The following RIPOR3 variants were observed in gnomAD, a reference collection of about 807,000 sequenced individuals.
RIPOR3 encodes the protein RIPOR family member 3, also known as family with sequence similarity 65 member C.
A neutral mutation model predicts 114.3 loss-of-function variants in RIPOR3; 95 were observed. The observed-to-expected ratio is 0.83, with a 90% CI of 0.70 to 0.99. The LOEUF (loss-of-function observed/expected upper bound fraction) is 0.99, where lower values mean the gene tolerates loss of function less well. Ranked by LOEUF, RIPOR3 falls within the 50% of genes least tolerant of loss-of-function variation. The pLI, the probability that RIPOR3 is intolerant of heterozygous loss-of-function variation, is 0.00. For synonymous variants in RIPOR3, 575 were observed against 543.8 expected, an observed-to-expected ratio of 1.06 and a Z score of -0.80; for missense variants, 1,252 against 1,266.9, an observed-to-expected ratio of 0.99 and a Z score of 0.18.
At chr20:50,620,538 A>C (rs2084359192) in intron 2 of RIPOR3, among the ~76,000 whole-genome samples, 1 of 152,082 alleles carries the variant, frequency 6.6e-6, no homozygotes, top group African/African-American at 2.4e-5. Flanking sequence ...GAGGCACAAG[A>C]ATCGCTTGAA....
chr20:50,661,399 A>G (rs1221401206), intron 1 of RIPOR3, among the ~76,000 whole-genome samples: 4 of 152,154 alleles, frequency 2.6e-5, no homozygotes, highest in African/African-American at 9.7e-5. Context: ...TAACCAAAAG[A>G]AAATAAACAT....
At chr20:50,609,980 A>ACCCCTGCCTCCCCTG (rs1555846175) in intron 6 of RIPOR3, among the ~76,000 whole-genome samples, 10 of 52,762 alleles carry the variant, frequency 1.9e-4, no homozygotes, top group South Asian at 1.3e-3. Context: ...TGCCACCCCT[A>ACCCCTGCCTCCCCTG]CCACCCCTGC....
At chr20:50,658,005 T>C (rs1164759644) in intron 1 of RIPOR3, among the ~76,000 whole-genome samples, 1 of 152,032 alleles carries the variant, frequency 6.6e-6, no homozygotes, top group Non-Finnish European at 1.5e-5. Context: ...GCTCAAGTGC[T>C]CCTCCTACCT....
intron 1 of RIPOR3, among the ~76,000 whole-genome samples, chr20:50,664,349 G>A (rs1378949904): frequency 6.6e-6 from 1 of 152,228 alleles, no homozygotes; most frequent in African/African-American, 2.4e-5. Flanking sequence ...CTGCTAGGCT[G>A]TGAGCCCTCC....
chr20:50,598,455 C>T (rs1206026268), intron 13 of RIPOR3, among the ~76,000 whole-genome samples: 1 of 152,028 alleles, frequency 6.6e-6, no homozygotes, highest in Non-Finnish European at 1.5e-5. Flanking sequence ...GCAGCCAAGG[C>T]ACAGCCCAAG....
intron 11 of RIPOR3, 122 bp from the exon 12 acceptor site, chr20:50,604,896 T>G (rs1202520255): frequency 2.1e-5 from 26 of 1,213,408 alleles, no homozygotes; most frequent in Non-Finnish European, 3.0e-5. Flanking sequence ...TACAATAGCA[T>G]GGATGGTGTG....
chr20:50,653,370 T>G (rs139129477), intron 1 of RIPOR3: 1 of 152,212 alleles, frequency 6.6e-6, no homozygotes, highest in African/African-American at 2.4e-5. Context: ...CTGCTCTGGA[T>G]TTAGATAGTG....
At chr20:50,637,822 C>T (rs1016855176) in intron 1 of RIPOR3, among the ~76,000 whole-genome samples, 4 of 152,106 alleles carry the variant, frequency 2.6e-5, no homozygotes, top group Non-Finnish European at 4.4e-5. Context: ...TTGCAGTTAG[C>T]TGAGATCACA....
At chr20:50,593,754 A>G (rs1361594317) in intron 17 of RIPOR3, among the ~76,000 whole-genome samples, 3 of 152,048 alleles carry the variant, frequency 2.0e-5, no homozygotes, top group Non-Finnish European at 2.9e-5. Flanking sequence ...AAAATCCCGG[A>G]GGCAGGGCCT....
chr20:50,686,051 C>T lies in RIPOR3; in HGVS notation c.3+5075G>A, dbSNP rs575251393. On this transcript the variant is annotated intron_variant, in intron 1 of 21. Coordinates refer to ENST00000327979, the MANE Select transcript of RIPOR3 (RefSeq NM_001290268.2). ...ATGAATGGCCTGAAAGCATAGACGC[C>T]TGGCTCTTTCTTTGTTTTTTTTAAG... 3.3e-5 allele frequency among the ~76,000 whole-genome samples: 5 copies of T among 151,994 alleles called. No homozygotes were observed. In the South Asian group the frequency reaches 1.0e-3, roughly 32 times the overall value.
chr20:50,679,123 A>ATAT (rs1473343687), intron 1 of RIPOR3, among the ~76,000 whole-genome samples: 4 of 79,174 alleles, frequency 5.1e-5, no homozygotes, highest in East Asian at 3.9e-4. Flanking sequence ...AAAAAAAAAA[A>ATAT]AAAAAAAAAA....
intron 4 of RIPOR3, among the ~76,000 whole-genome samples, chr20:50,612,649 C>T (rs1028048717): frequency 6.6e-6 from 1 of 151,888 alleles, no homozygotes; most frequent in African/African-American, 2.4e-5. Flanking sequence ...ATGGAAAGAT[C>T]AATAAAAGAT....
intron 3 of RIPOR3, 51 bp downstream of exon 3, chr20:50,619,935 G>A: frequency 6.3e-7 from 1 of 1,576,378 alleles, no homozygotes; most frequent in South Asian, 1.1e-5. Context: ...ACAGAGAGGA[G>A]GCGAGGTAGA....
intron 1 of RIPOR3, among the ~76,000 whole-genome samples, chr20:50,633,262 A>AAAAAAAC (rs1055775538): frequency 2.2e-4 from 33 of 151,912 alleles, no homozygotes; most frequent in African/African-American, 3.4e-4. Flanking sequence ...ACTCTGACTA[A>AAAAAAAC]AAAAAACAAA....
intron 3 of RIPOR3, among the ~76,000 whole-genome samples, chr20:50,617,444 T>TC (rs1158467601): frequency 3.3e-5 from 5 of 151,988 alleles, no homozygotes; most frequent in Non-Finnish European, 7.4e-5. Flanking sequence ...CTCTGCACAA[T>TC]CCCAGCTTGC....
At chr20:50,668,677 C>T (rs1424053651) in intron 1 of RIPOR3, among the ~76,000 whole-genome samples, 1 of 152,048 alleles carries the variant, frequency 6.6e-6, no homozygotes, top group Non-Finnish European at 1.5e-5. Context: ...GCCAACATGG[C>T]AAAACTCCAT....
intron 1 of RIPOR3, among the ~76,000 whole-genome samples, chr20:50,687,406 T>C (rs2087065312): frequency 6.6e-6 from 1 of 152,216 alleles, no homozygotes; most frequent in African/African-American, 2.4e-5. Flanking sequence ...CTGAATTCCT[T>C]TGGAAGAGGA....
intron 11 of RIPOR3, among the ~76,000 whole-genome samples, chr20:50,606,128 T>C (rs1208154427): frequency 6.6e-6 from 1 of 152,030 alleles, no homozygotes; most frequent in Admixed American, 6.5e-5. Flanking sequence ...ATCGCTTAAA[T>C]CTGGGAGGCA....
chr20:50,591,411 G>T (rs1209414939), intron 19 of RIPOR3, among the ~76,000 whole-genome samples: 1 of 152,138 alleles, frequency 6.6e-6, no homozygotes, highest in African/African-American at 2.4e-5. Context: ...AAAGGGGCAG[G>T]ATTGGCCATG....
Sources: allele counts gnomAD v4.1 joint callset (sites outside exome capture counted in the v4.1 genomes callset), GRCh38; gene constraint gnomAD v4.1.1; transcripts MANE v1.5; gene names NCBI Gene and HGNC (gene_info 2026-07-23, HGNC 2026-07-21).